Variants in LUZP2 observed in about 807,000 individuals in gnomAD.
The protein encoded by LUZP2 is leucine zipper protein 2.
A neutral mutation model predicts 51.6 loss-of-function variants in LUZP2; 52 were observed. The ratio of observed to expected loss-of-function variants is 1.01; its 90% CI spans 0.81 to 1.27. The LOEUF is 1.27. Among genes scored for constraint, LUZP2 ranks in the 50% most tolerant of loss-of-function variants. The pLI is 0.00. For synonymous variants in LUZP2, 154 were observed against 137.3 expected (o/e 1.12, Z -0.85); for missense variants, 436 against 395.4 (o/e 1.10, Z -0.87).
chr11:24,669,783 T>C (rs1184325498), intron 1 of LUZP2, among the ~76,000 whole-genome samples: 3 of 152,048 alleles, frequency 2.0e-5, no homozygotes, highest in East Asian at 1.9e-4. Context: ...TTCTAGACTT[T>C]TCGAAGGTGC....
chr11:24,675,108 C>T (rs1020756122), intron 1 of LUZP2, among the ~76,000 whole-genome samples: 4 of 152,152 alleles, frequency 2.6e-5, no homozygotes, highest in African/African-American at 7.2e-5. Context: ...GTAGATGTGA[C>T]GTTGAAGTTT....
chr11:24,517,212 A>G (rs1850492646), intron 1 of LUZP2, among the ~76,000 whole-genome samples: 1 of 152,076 alleles, frequency 6.6e-6, no homozygotes, highest in Non-Finnish European at 1.5e-5. Flanking sequence ...CAGGCCGGGC[A>G]CGATGGTTCA....
At chr11:24,740,681 C>T (rs1420800071) in intron 4 of LUZP2, among the ~76,000 whole-genome samples, 1 of 152,104 alleles carries the variant, frequency 6.6e-6, no homozygotes, top group East Asian at 1.9e-4. Flanking sequence ...TACATAATCT[C>T]TCTAAAATTA....
intron 1 of LUZP2, among the ~76,000 whole-genome samples, chr11:24,616,468 C>CGTATGTGTGT (rs1565031217): frequency 1.3e-5 from 1 of 76,556 alleles, no homozygotes; most frequent in African/African-American, 8.2e-5. Flanking sequence ...TGGTATTTGG[C>CGTATGTGTGT]GTGCGCATGT....
intron 10 of LUZP2, among the ~76,000 whole-genome samples, chr11:25,071,097 T>A (rs1485046918): frequency 1.4e-5 from 2 of 140,126 alleles, no homozygotes; most frequent in Non-Finnish European, 3.1e-5. Flanking sequence ...TGTCATGCAA[T>A]TTTGTAAATC....
At chr11:25,050,882 T>C (rs1173726720) in intron 10 of LUZP2, among the ~76,000 whole-genome samples, 2 of 152,192 alleles carry the variant, frequency 1.3e-5, no homozygotes, top group Non-Finnish European at 2.9e-5. Context: ...CTTCAAATGA[T>C]AGGAAATATG....
chr11:24,953,990 G>C (rs1301884534), intron 7 of LUZP2, among the ~76,000 whole-genome samples: 1 of 151,810 alleles, frequency 6.6e-6, no homozygotes, highest in East Asian at 1.9e-4. Flanking sequence ...AAGCACTACT[G>C]TACCAACTGG....
intron 1 of LUZP2, among the ~76,000 whole-genome samples, chr11:24,685,978 TGAG>T (rs1325751980): frequency 6.6e-6 from 1 of 152,200 alleles, no homozygotes; most frequent in Non-Finnish European, 1.5e-5. Flanking sequence ...GAACTAGAAA[TGAG>T]GAGTATCATG....
intron 5 of LUZP2, among the ~76,000 whole-genome samples, chr11:24,885,480 T>C (rs1852640574): frequency 6.6e-6 from 1 of 152,112 alleles, no homozygotes; most frequent in Admixed American, 6.6e-5. Flanking sequence ...TAGGAAATCA[T>C]ACCCAAGTCT....
chr11:25,074,295 G>A (rs1324018267), intron 10 of LUZP2, among the ~76,000 whole-genome samples: 1 of 152,028 alleles, frequency 6.6e-6, no homozygotes, highest in Non-Finnish European at 1.5e-5. Flanking sequence ...ATAGTAATGT[G>A]GCCTTATCTC....
chr11:24,856,604 A>G (rs1456138499), intron 5 of LUZP2, among the ~76,000 whole-genome samples: 1 of 152,098 alleles, frequency 6.6e-6, no homozygotes, highest in African/African-American at 2.4e-5. Context: ...ATAAATCATT[A>G]TATCAAAAAG....
At chr11:24,618,098 G>A (rs375042782) in intron 1 of LUZP2, among the ~76,000 whole-genome samples, 4 of 152,088 alleles carry the variant, frequency 2.6e-5, no homozygotes, top group East Asian at 3.9e-4. Flanking sequence ...CATGTGTGAG[G>A]GTTTTCACTA....
chr11:24,679,218 T>C (rs1297353518), intron 1 of LUZP2, among the ~76,000 whole-genome samples: 2 of 152,224 alleles, frequency 1.3e-5, no homozygotes, highest in African/African-American at 2.4e-5. Flanking sequence ...CTGATCTTTA[T>C]TGCTTTATTT....
rs1852119784 is a variant in LUZP2, at chr11:24,872,687, T to A, written c.397-33304T>A. ...TATTTTAGGAAAATCCTACACCCTG[T>A]GGGTTTTAGTTTAAATTCCAGTATC... On this transcript the variant is annotated intron_variant, in intron 5 of 11. Coordinates refer to ENST00000336930, the MANE Select transcript of LUZP2 (RefSeq NM_001009909.4). Among the ~76,000 whole-genome samples, 4 of 152,158 alleles carry A rather than the reference T, an allele frequency of 2.6e-5. No homozygotes were observed. The South Asian group carries it at 8.3e-4, about 31-fold the overall frequency.
chr11:24,590,507 G>T (rs1450261520), intron 1 of LUZP2, among the ~76,000 whole-genome samples: 1 of 152,016 alleles, frequency 6.6e-6, no homozygotes, highest in East Asian at 1.9e-4. Flanking sequence ...GGTTTTAATT[G>T]AACTTTATAA....
At position 24,697,241 on chromosome 11, in the gene LUZP2, AAGC is replaced by A. The variant is rs981559262; in HGVS notation, c.63-31925_63-31923del. 1.2e-4 allele frequency among the ~76,000 whole-genome samples: 18 copies of A among 152,324 alleles called. 1 individual carries two copies. The highest frequency in any genetic ancestry group is 3.6e-4 in the African/African-American group (15 of 41,586). ...TGATTGAAGGGAGTGTCATTATTGT[AAGC>A]AGAAAAGCCAGTTAGGAGGTTATGG... is the stretch of plus-strand genomic sequence containing the variant. On this transcript the variant is annotated intron_variant, in intron 1 of 11. Transcript: ENST00000336930.
At chr11:24,628,129 T>G (rs1854747737) in intron 1 of LUZP2, among the ~76,000 whole-genome samples, 1 of 152,052 alleles carries the variant, frequency 6.6e-6, no homozygotes, top group African/African-American at 2.4e-5. Context: ...AGATGCGTAC[T>G]TTTAAATTTT....
At chr11:24,681,232 C>T (rs1203195101) in intron 1 of LUZP2, among the ~76,000 whole-genome samples, 2 of 152,090 alleles carry the variant, frequency 1.3e-5, no homozygotes, top group African/African-American at 2.4e-5. Context: ...CCACCCGCCT[C>T]GGCCTCCCAA....
At chr11:24,671,734 C>G (rs1856407398) in intron 1 of LUZP2, among the ~76,000 whole-genome samples, 1 of 152,062 alleles carries the variant, frequency 6.6e-6, no homozygotes, top group Admixed American at 6.6e-5. Context: ...TGAAGAGTCC[C>G]ATTCCTTGAA....
Sources: allele counts gnomAD v4.1 joint callset (sites outside exome capture counted in the v4.1 genomes callset), GRCh38; gene constraint gnomAD v4.1.1; transcripts MANE v1.5; gene names NCBI Gene and HGNC (gene_info 2026-07-23, HGNC 2026-07-21).